Variants in TSPAN13 observed in about 807,000 individuals in gnomAD.
TSPAN13 encodes the protein tetraspanin-13.
TSPAN13 carries 18 observed loss-of-function variants against 26.9 expected under a neutral mutation model. The observed-to-expected ratio is 0.67, with a 90% CI of 0.46 to 0.99. The LOEUF is 0.99. Among genes scored for constraint, TSPAN13 ranks in the 50% least tolerant of loss-of-function variants. The probability of loss-of-function intolerance (pLI) is 0.00; values close to 1 mark genes in which losing one functional copy is unlikely to be tolerated. For synonymous variants in TSPAN13, 116 were observed against 98.4 expected, an observed-to-expected ratio of 1.18 and a Z score of -1.06; for missense variants, 201 against 249.6, an observed-to-expected ratio of 0.81 and a Z score of 1.31.
At chr7:16,774,883 T>C (rs1469897807) in intron 1 of TSPAN13, among the ~76,000 whole-genome samples, 1 of 152,206 alleles carries the variant, frequency 6.6e-6, no homozygotes, top group Non-Finnish European at 1.5e-5. Context: ...TGAGTACAAA[T>C]AGACACTCAT....
In TSPAN13 at chr7:16,779,933, A is replaced by G. The variant is rs915209785; in HGVS notation, c.540+817A>G. On this transcript the variant is annotated intron_variant, in intron 5 of 5. Transcript: ENST00000262067. ...ACTACAGGCGCCCGCCACCACGCCC[A>G]GCTAATTTTTTGTATTTTTAGTAGA... 3.8e-4 allele frequency among the ~76,000 whole-genome samples: 58 copies of G among 151,762 alleles called. No individual in the cohort carries two copies. In the East Asian group the frequency reaches 6.4e-3, roughly 17 times the overall value.
At chr7:16,768,194 G>A (rs935650488) in intron 1 of TSPAN13, among the ~76,000 whole-genome samples, 4 of 152,214 alleles carry the variant, frequency 2.6e-5, no homozygotes, top group African/African-American at 7.2e-5. Context: ...GATTACAGGC[G>A]TGAGCCACCG....
At chr7:16,754,116 C>T (rs540077385) in intron 1 of TSPAN13, 86 bp downstream of exon 1, 4 of 1,369,194 alleles carry the variant, frequency 2.9e-6, no homozygotes, top group Admixed American at 1.9e-5. Context: ...GTCAGCGACT[C>T]ACTCGTTGCA....
intron 5 of TSPAN13, 129 bp from the exon 6 acceptor site, chr7:16,783,288 A>G (rs1359829150): frequency 2.3e-6 from 2 of 884,340 alleles, no homozygotes; most frequent in Non-Finnish European, 3.4e-6. Context: ...AAGAAAAAAA[A>G]TCTCTCCCCG....
chr7:16,775,321 T>A (rs1784729605), intron 1 of TSPAN13, among the ~76,000 whole-genome samples: 1 of 152,232 alleles, frequency 6.6e-6, no homozygotes, highest in Non-Finnish European at 1.5e-5. Context: ...CTTTTACAGG[T>A]CATAACCACT....
In TSPAN13 at chr7:16,776,314, T is replaced by G. The variant is rs1190936731; in HGVS notation, c.167T>G (p.Leu56Trp). The G allele has an allele frequency of 1.9e-6, 3 of 1,614,096 alleles. No individual in the cohort carries two copies. Among genetic ancestry groups the G allele is most frequent in the Non-Finnish European group, 2.5e-6 (3 of 1,180,040 alleles). ...GTGGTCATTGCAGTGGGCATCTTCTTGTTCCTGATTGCTTTAGTGGGTCTG... is the reference window on the plus strand; with the variant it reads ...GTGGTCATTGCAGTGGGCATCTTCTGGTTCCTGATTGCTTTAGTGGGTCTG... The part of the protein sequence containing the change: ...VGVVIAVGIF[L>W]FLIALVGLIG... The change falls in exon 2 of 6, where the codon TTG becomes TGG. Residue 56 changes from leucine (L) to tryptophan (W), a missense_variant. Coordinates refer to ENST00000262067, the MANE Select transcript of TSPAN13 (RefSeq NM_014399.4).
At chr7:16,754,254 C>A (rs1230417086) in intron 1 of TSPAN13, among the ~76,000 whole-genome samples, 1 of 152,206 alleles carries the variant, frequency 6.6e-6, no homozygotes, top group African/African-American at 2.4e-5. Flanking sequence ...CGCGGTCTCT[C>A]AGGCTCGCTG....
intron 1 of TSPAN13, among the ~76,000 whole-genome samples, chr7:16,758,145 C>CA (rs1784503315): frequency 6.6e-6 from 1 of 151,952 alleles, no homozygotes; most frequent in Non-Finnish European, 1.5e-5. Context: ...AAAATGCTCC[C>CA]GGCCTGGGAT....
At chr7:16,759,674 C>A (rs1784519353) in intron 1 of TSPAN13, among the ~76,000 whole-genome samples, 1 of 149,412 alleles carries the variant, frequency 6.7e-6, no homozygotes, top group Non-Finnish European at 1.5e-5. Context: ...AAGAGTATTT[C>A]TGCTTTTTTT....
chr7:16,760,891 C>G (rs1030157044), intron 1 of TSPAN13, among the ~76,000 whole-genome samples: 1 of 152,204 alleles, frequency 6.6e-6, no homozygotes, highest in Non-Finnish European at 1.5e-5. Context: ...ACAATAAAGG[C>G]AATGTCGCAG....
intron 1 of TSPAN13, among the ~76,000 whole-genome samples, chr7:16,757,272 A>G (rs2115319817): frequency 6.6e-6 from 1 of 152,330 alleles, no homozygotes; most frequent in South Asian, 2.1e-4. Flanking sequence ...ATACATAAAA[A>G]TGAAAATGAT....
chr7:16,753,947 C>T lies in TSPAN13; in HGVS notation c.-21C>T, dbSNP rs775209819. ...CCGGAGTCGAATTTACGTGCAGCTG[C>T]CGGCAACCACAGGTTCCAAGATGGT... On this transcript the variant is annotated 5_prime_UTR_variant, in exon 1 of 6. Coordinates refer to ENST00000262067, the MANE Select transcript of TSPAN13 (RefSeq NM_014399.4). The T allele has an allele frequency of 6.8e-6, 11 of 1,610,452 alleles. No individual in the cohort carries two copies. The highest frequency in any genetic ancestry group is 1.7e-4 in the Middle Eastern group (1 of 6,056).
At chr7:16,757,486 G>C (rs956287106) in intron 1 of TSPAN13, among the ~76,000 whole-genome samples, 2 of 147,428 alleles carry the variant, frequency 1.4e-5, no homozygotes, top group African/African-American at 4.9e-5. Context: ...AGAGAAGAAA[G>C]CTCTATTAAA....
chr7:16,779,178 A>G lies in TSPAN13; in HGVS notation c.540+62A>G. The G allele has an allele frequency of 2.4e-6, 3 of 1,245,718 alleles. No individual in the cohort carries two copies. In the South Asian group the frequency reaches 4.0e-5, roughly 16 times the overall value. The allele number at this position is 1,245,718 out of a possible 1,614,324, so 77.2% of individuals were successfully genotyped here. On this transcript the variant is annotated intron_variant, in intron 5 of 5. Transcript: ENST00000262067. ...CAGAGATTCCTGTTTTGCATGACAAAGGGCCTTGATTCTTGTTATCAGTGA... is the reference window on the plus strand; with the variant it reads ...CAGAGATTCCTGTTTTGCATGACAAGGGGCCTTGATTCTTGTTATCAGTGA...
chr7:16,779,115 A>T lies in TSPAN13; in HGVS notation c.539A>T (p.Glu180Val). ...ATTGGCCTGTTCTTCAGTTTTACAG[A>T]GGTATGTGCAAATAACAATATTTTT... ...GGIGLFFSFT[E>V]ILGVWLTYRY... is the part of the protein sequence containing the mutation. Residue 180 changes from glutamate to valine, a missense_variant and splice_region_variant, in exon 5 of 6, where the codon GAG (glutamate) becomes GTG (valine). Transcript: ENST00000262067. 1 of 1,606,486 alleles carries T rather than the reference A, an allele frequency of 6.2e-7. No homozygotes were observed. The highest frequency in any genetic ancestry group is 8.5e-7 in the Non-Finnish European group (1 of 1,174,774).
At chr7:16,773,806 AT>A (rs1784709515) in intron 1 of TSPAN13, among the ~76,000 whole-genome samples, 1 of 152,212 alleles carries the variant, frequency 6.6e-6, no homozygotes, top group Non-Finnish European at 1.5e-5. Flanking sequence ...TAATACTCTT[AT>A]TCATGCTTCT....
chr7:16,783,552 G>T lies in TSPAN13; in HGVS notation c.*61G>T, dbSNP rs141991499. On this transcript the variant is annotated 3_prime_UTR_variant, in exon 6 of 6. Transcript: ENST00000262067. ...TCTTGTTCACTTTCTGTAATTTTCTGTTAAGCTCCATTTGCCAGTTTAAGG... is the reference window on the plus strand; with the variant it reads ...TCTTGTTCACTTTCTGTAATTTTCTTTTAAGCTCCATTTGCCAGTTTAAGG... 1.3e-6 allele frequency: 2 copies of T among 1,515,618 alleles called. No individual in the cohort carries two copies. Among genetic ancestry groups the T allele is most frequent in the Non-Finnish European group, 9.2e-7 (1 of 1,091,800 alleles). 93.9% of individuals were successfully genotyped at this position (1,515,618 alleles called of 1,614,324 possible).
In TSPAN13 at chr7:16,779,059, T is replaced by C. The variant is rs770504995; in HGVS notation, c.483T>C (p.Tyr161=). 3 of 1,614,154 alleles carry C rather than the reference T, an allele frequency of 1.9e-6. No homozygotes were observed. Among genetic ancestry groups the C allele is most frequent in the East Asian group, 2.2e-5 (1 of 44,882 alleles). The change falls in exon 5 of 6, where the codon TAT becomes TAC. Residue 161 remains tyrosine (Y), a synonymous_variant. Coordinates refer to ENST00000262067, the MANE Select transcript of TSPAN13 (RefSeq NM_014399.4). The part of the protein sequence containing the change: ...CSPCAPIIGE[Y]AGEVLRFVGG... ...CATGTGCTCCAATCATAGGAGAATA[T>C]GCTGGAGAGGTTTTGAGATTTGTTG...
At chr7:16,779,890 G>A (rs1421311539) in intron 5 of TSPAN13, among the ~76,000 whole-genome samples, 1 of 151,356 alleles carries the variant, frequency 6.6e-6, no homozygotes, top group Non-Finnish European at 1.5e-5. Flanking sequence ...TCCTGTCTCA[G>A]CCTCCTGAGT....
Sources: allele counts gnomAD v4.1 joint callset (sites outside exome capture counted in the v4.1 genomes callset), GRCh38; gene constraint gnomAD v4.1.1; transcripts MANE v1.5; gene names NCBI Gene and HGNC (gene_info 2026-07-23, HGNC 2026-07-21).